The following KCNAB2 variants were observed in gnomAD, a reference collection of about 807,000 sequenced individuals.
The protein encoded by KCNAB2 is potassium voltage-gated channel subfamily A regulatory beta subunit 2, also known as voltage-gated potassium channel subunit beta-2.
A neutral mutation model predicts 63.6 loss-of-function variants in KCNAB2; 29 were observed. The observed-to-expected ratio is 0.46, with a 90% CI of 0.34 to 0.62. The LOEUF (loss-of-function observed/expected upper bound fraction) is 0.62, where lower values mean the gene tolerates loss of function less well. Ranked by LOEUF, KCNAB2 falls within the 20% of genes least tolerant of loss-of-function variation. The pLI, the probability that KCNAB2 is intolerant of heterozygous loss-of-function variation, is 0.01. For missense variants in KCNAB2, 359 were observed against 563.9 expected (o/e 0.64, Z 3.68); for synonymous variants, 222 against 224.2 (o/e 0.99, Z 0.09).
At chr1:6,008,834 G>T (rs1657981563) in intron 1 of KCNAB2, among the ~76,000 whole-genome samples, 1 of 152,164 alleles carries the variant, frequency 6.6e-6, no homozygotes, top group Admixed American at 6.5e-5. Context: ...AGGTCACCTG[G>T]GGGACTTGTT....
upstream of KCNAB2, among the ~76,000 whole-genome samples, chr1:6,034,125 C>T (rs1355548510): frequency 6.6e-6 from 1 of 152,252 alleles, no homozygotes; most frequent in East Asian, 1.9e-4. Context: ...AAAGGAGCCA[C>T]TGTGCCAGCC....
chr1:6,041,078 C>T, upstream of KCNAB2: 1 of 163,514 alleles, frequency 6.1e-6, no homozygotes, highest in Non-Finnish European at 1.3e-5. Flanking sequence ...ACCACGTCTG[C>T]CGGTTTCCCA....
chr1:6,067,340 A>G (rs1662843523), intron 2 of KCNAB2, among the ~76,000 whole-genome samples: 2 of 152,250 alleles, frequency 1.3e-5, no homozygotes, highest in African/African-American at 4.8e-5. Flanking sequence ...GCAGGCCACC[A>G]GCCTCAGAAA....
Position 6,051,595 on chromosome 1 carries a change from A to G in KCNAB2, c.59A>G (p.Glu20Gly), listed in dbSNP as rs776169736. Reference sequence around the variant, plus strand: ...AGCGTGAGCAGCAGGTGCCACTCTGAATGGGCCCTGCACCCCGTCCGCCAG... The same window carrying G: ...AGCGTGAGCAGCAGGTGCCACTCTGGATGGGCCCTGCACCCCGTCCGCCAG... ...LRSVSSRCHS[E>G]WALHPVRQTD... The change falls in exon 2 of 16, where the codon GAA becomes GGA. Residue 20 changes from glutamate to glycine, a missense_variant. Glu to Gly is a moderately conservative substitution (Grantham distance 98). Transcript: ENST00000378083. The G allele has an allele frequency of 2.7e-5, 42 of 1,534,766 alleles. No homozygotes were observed. Among genetic ancestry groups the G allele is most frequent in the Non-Finnish European group, 3.4e-5 (39 of 1,146,514 alleles).
At chr1:6,076,878 G>A (rs34391742) in intron 4 of KCNAB2, among the ~76,000 whole-genome samples, 2,717 of 152,286 alleles carry the variant, frequency 0.018, 32 homozygotes, top group Non-Finnish European at 0.025. Flanking sequence ...GCCACAGAGC[G>A]GAGGGCTTTA....
At chr1:6,083,986 A>G (rs534367860) in intron 5 of KCNAB2, among the ~76,000 whole-genome samples, 96 of 152,278 alleles carry the variant, frequency 6.3e-4, no homozygotes, top group African/African-American at 2.2e-3. Context: ...TGATCCCCAA[A>G]TCAGGGACCA....
intron 10 of KCNAB2, among the ~76,000 whole-genome samples, 172 bp from the exon 11 acceptor site, chr1:6,094,228 C>CA (rs1665426736): frequency 6.6e-6 from 1 of 152,136 alleles, no homozygotes; most frequent in African/African-American, 2.4e-5. Context: ...TCTTTCATCC[C>CA]AAAAAACCCC....
intron 1 of KCNAB2, among the ~76,000 whole-genome samples, chr1:5,997,678 G>C (rs1657016553): frequency 6.6e-6 from 1 of 152,184 alleles, no homozygotes; most frequent in African/African-American, 2.4e-5. Context: ...GAAGACTCTA[G>C]AATTCTGCCT....
At chr1:6,006,860 G>A (rs1182287940) in intron 1 of KCNAB2, among the ~76,000 whole-genome samples, 1 of 151,398 alleles carries the variant, frequency 6.6e-6, no homozygotes, top group Non-Finnish European at 1.5e-5. Context: ...TCTTCCAAGG[G>A]CCGTGATTGA....
chr1:6,014,147 C>T (rs1035779259), intron 1 of KCNAB2, among the ~76,000 whole-genome samples: 2 of 152,274 alleles, frequency 1.3e-5, no homozygotes, highest in African/African-American at 4.8e-5. Context: ...GGGTCGCCAG[C>T]AGCTCTGACA....
At chr1:6,070,231 CA>C (rs1476275305) in intron 2 of KCNAB2, among the ~76,000 whole-genome samples, 1 of 152,196 alleles carries the variant, frequency 6.6e-6, no homozygotes, top group Non-Finnish European at 1.5e-5. Flanking sequence ...GGCATATTTC[CA>C]GGCTTTATCT....
intron 1 of KCNAB2, among the ~76,000 whole-genome samples, chr1:6,004,163 G>T (rs1418292438): frequency 3.3e-5 from 5 of 152,096 alleles, no homozygotes; most frequent in Non-Finnish European, 7.3e-5. Flanking sequence ...CCCTAGTAAA[G>T]AGGTCACTTC....
Position 6,046,162 on chromosome 1 carries a change from G to C in KCNAB2, c.-48G>C. 1 of 985,406 alleles carries C rather than the reference G, an allele frequency of 1.0e-6. No homozygotes were observed. The highest frequency in any genetic ancestry group is 1.2e-6 in the Non-Finnish European group (1 of 829,934). The allele number at this position is 985,406 out of a possible 1,614,324, so 61.0% of individuals were successfully genotyped here. On this transcript the variant is annotated 5_prime_UTR_variant, in exon 1 of 16. Transcript: ENST00000378083. ...AACCAGACTGTGGCCTTTTTAACGA[G>C]CAGACGCCCCCACGAAGGCAGGTGA...
At chr1:6,000,141 A>G (rs966203628) in intron 1 of KCNAB2, among the ~76,000 whole-genome samples, 2 of 152,192 alleles carry the variant, frequency 1.3e-5, no homozygotes, top group South Asian at 4.1e-4. Flanking sequence ...GTCTAGATAG[A>G]TCCTGCAGCG....
chr1:6,036,466 G>T (rs1660046145), intron 1 of KCNAB2, among the ~76,000 whole-genome samples: 1 of 152,198 alleles, frequency 6.6e-6, no homozygotes, highest in South Asian at 2.1e-4. Context: ...TTGTGCCACT[G>T]TACTCCAGCC....
intron 14 of KCNAB2, 104 bp from the exon 15 acceptor site, chr1:6,097,165 C>A: frequency 7.6e-7 from 1 of 1,324,488 alleles, no homozygotes; most frequent in South Asian, 1.5e-5. Context: ...CTCAGACCCC[C>A]AGACCAAGAT....
upstream of KCNAB2, among the ~76,000 whole-genome samples, chr1:6,044,822 G>T (rs974641259): frequency 6.6e-6 from 1 of 152,138 alleles, no homozygotes; most frequent in Non-Finnish European, 1.5e-5. Context: ...ATGAAGGGGT[G>T]CAGGGCCTGA....
In KCNAB2 at chr1:5,994,380, T is replaced by A. The variant is rs771900476; in HGVS notation, c.-53+1592T>A. Among the ~76,000 whole-genome samples the A allele has an allele frequency of 2.0e-5, 3 of 152,208 alleles. No individual in the cohort carries two copies. Among genetic ancestry groups the A allele is most frequent in the Admixed American group, 6.5e-5 (1 of 15,292 alleles). On this transcript the variant is annotated intron_variant, in intron 1 of 16. Transcript: ENST00000341524. The surrounding 1 kb of genome is among the most constrained non-coding windows in gnomAD (Gnocchi z 5.4). ...AGCTCCTGGCCCTGTGCTCTCGCAG[T>A]GTGGGGCCCTAAGAGTGCACTTGGT...
intron 10 of KCNAB2, among the ~76,000 whole-genome samples, 183 bp downstream of exon 10, chr1:6,091,490 C>G (rs571365353): frequency 2.6e-5 from 4 of 151,820 alleles, no homozygotes; most frequent in African/African-American, 4.8e-5. Flanking sequence ...GGTGTTGGAG[C>G]CCCTCGCCCC....
Sources: allele counts gnomAD v4.1 joint callset (sites outside exome capture counted in the v4.1 genomes callset), GRCh38; gene constraint gnomAD v4.1.1; non-coding constraint Gnocchi (gnomAD v3.1); transcripts MANE v1.5; gene names NCBI Gene and HGNC (gene_info 2026-07-23, HGNC 2026-07-21).